SRP68: variants seen among roughly 807,000 people sequenced by gnomAD.
SRP68 encodes signal recognition particle 68.
Under a neutral mutation model 82.2 loss-of-function variants are expected in SRP68, and 15 were observed. The observed-to-expected ratio is 0.18, with a 90% CI of 0.12 to 0.28. The LOEUF is 0.28. Ranked by LOEUF, SRP68 falls within the 10% of genes least tolerant of loss-of-function variation. The pLI is 1.00. For synonymous variants in SRP68, 261 were observed against 292.6 expected (o/e 0.89, Z 1.10); for missense variants, 595 against 780.5 (o/e 0.76, Z 2.83).
At chr17:76,046,461 A>T (rs905979756) in intron 10 of SRP68, among the ~76,000 whole-genome samples, 20 of 98,010 alleles carry the variant, frequency 2.0e-4, no homozygotes, top group African/African-American at 1.1e-3. Flanking sequence ...AGAACCACAC[A>T]GTGGAAAAAA....
intron 10 of SRP68, among the ~76,000 whole-genome samples, chr17:76,046,667 G>A (rs1321040127): frequency 6.6e-6 from 1 of 151,786 alleles, no homozygotes; most frequent in Non-Finnish European, 1.5e-5. Flanking sequence ...GGGGGCCAGG[G>A]GCAGTGGCTC....
chr17:76,040,709 G>T (rs1416347179), intron 14 of SRP68, 194 bp downstream of exon 14: 7 of 657,942 alleles, frequency 1.1e-5, no homozygotes, highest in Non-Finnish European at 1.9e-5. Flanking sequence ...ACAGGGAGAA[G>T]GGCCAGTGTA....
intron 8 of SRP68, among the ~76,000 whole-genome samples, chr17:76,051,036 T>C (rs567999426): frequency 1.2e-4 from 19 of 152,304 alleles, no homozygotes; most frequent in African/African-American, 4.1e-4. Context: ...TTGTTTCTTT[T>C]AGGTACAAGG....
At chr17:76,057,653 C>G in intron 7 of SRP68, 110 bp from the exon 8 acceptor site, 1 of 1,216,906 alleles carries the variant, frequency 8.2e-7, no homozygotes, top group Non-Finnish European at 1.2e-6. Context: ...ATATTATACT[C>G]CATAGAAAGT....
chr17:76,070,239 A>AAAAAAAAAG, intron 2 of SRP68, 139 bp downstream of exon 2: 1 of 703,446 alleles, frequency 1.4e-6, no homozygotes, highest in Non-Finnish European at 2.3e-6. Flanking sequence ...AAAAAAAAAA[A>AAAAAAAAAG]CAAAGCAAAC....
chr17:76,055,707 T>C (rs1047822366), intron 8 of SRP68, among the ~76,000 whole-genome samples: 2 of 150,754 alleles, frequency 1.3e-5, no homozygotes, highest in Non-Finnish European at 2.9e-5. Context: ...TGAGCAGAGA[T>C]TGCACCGCTG....
At chr17:76,041,634 A>G (rs2598446) in intron 13 of SRP68, 62,816 of 152,014 alleles carry the variant, frequency 0.41, 13,177 homozygotes, top group Admixed American at 0.53. Flanking sequence ...ATGATATTCC[A>G]TGGTGGTGAC....
In SRP68 at chr17:76,045,325, A is replaced by T. The variant is rs575649482; in HGVS notation, c.1361T>A (p.Ile454Lys). ...TTTGAACACCAGAGTCTTGAGGCCT[A>T]TCTCTTTCTGGAAGGCTTTGTCTTC... ...LEEDKAFQKE[I>K]GLKTLVFKAY... Residue 454 changes from isoleucine to lysine, a missense_variant, in exon 12 of 16, where the codon ATA (isoleucine) becomes AAA (lysine). Coordinates refer to ENST00000307877, the MANE Select transcript of SRP68 (RefSeq NM_014230.4). The T allele has an allele frequency of 2.5e-6, 4 of 1,613,896 alleles. No individual in the cohort carries two copies. Among genetic ancestry groups the T allele is most frequent in the Non-Finnish European group, 2.5e-6 (3 of 1,179,822 alleles).
rs1411535610 is a variant in SRP68 at position 76,072,458 on chromosome 17, C to CGCCACT, written c.33_34insAGTGGC (p.Gly11_Gly12insSerGly). 3.2e-6 allele frequency: 5 copies of CGCCACT among 1,583,174 alleles called. No individual in the cohort carries two copies. Among genetic ancestry groups the CGCCACT allele is most frequent in the Non-Finnish European group, 4.3e-6 (5 of 1,171,180 alleles). ...CCGCCGCCGCCACTGCCGCCGCCGC[C>CGCCACT]GCCGCCGCCTGGGACCTGCTTCTCA... On this transcript the variant is annotated inframe_insertion, in exon 1 of 16. Coordinates refer to ENST00000307877, the MANE Select transcript of SRP68 (RefSeq NM_014230.4). The surrounding 1 kb of genome is among the most constrained non-coding windows in gnomAD (Gnocchi z 4.5).
Position 76,057,392 on chromosome 17 carries a change from T to C in SRP68, c.978+11A>G. On this transcript the variant is annotated intron_variant, in intron 8 of 15. Coordinates refer to ENST00000307877, the MANE Select transcript of SRP68 (RefSeq NM_014230.4). ...ATACAGAAGACAGCACAGTAAGTTC[T>C]TCCTCCTCACCTGGACAATAGCTGC... The C allele has an allele frequency of 6.2e-7, 1 of 1,614,178 alleles. No homozygotes were observed. The highest frequency in any genetic ancestry group is 8.5e-7 in the Non-Finnish European group (1 of 1,180,020).
rs113842208 is a variant in SRP68 at position 76,046,655 on chromosome 17, C to T, written c.1143-461G>A. Among the ~76,000 whole-genome samples the T allele has an allele frequency of 5.5e-4, 83 of 151,534 alleles. 1 individual carries two copies. The highest frequency in any genetic ancestry group is 1.9e-3 in the African/African-American group (78 of 41,250). On this transcript the variant is annotated intron_variant, in intron 10 of 15. Transcript: ENST00000307877. ...AACAACAACAACAAAACAAAAAAAA[C>T]GGGGGGCCAGGGGCAGTGGCTCCCA...
intron 2 of SRP68, among the ~76,000 whole-genome samples, chr17:76,068,120 C>T (rs2066820970): frequency 6.6e-6 from 1 of 152,124 alleles, no homozygotes; most frequent in African/African-American, 2.4e-5. Flanking sequence ...GCAGAAACCC[C>T]GTCTCTACTA....
At chr17:76,052,468 G>A (rs1449286214) in intron 8 of SRP68, among the ~76,000 whole-genome samples, 1 of 152,090 alleles carries the variant, frequency 6.6e-6, no homozygotes, top group Non-Finnish European at 1.5e-5. Flanking sequence ...GGCAAGGGGA[G>A]GGAAAGTATT....
Position 76,047,890 on chromosome 17 carries a change from T to C in SRP68, c.1142+16A>G. ...TTAATAATATTAAAAAGTAAAAAAA[T>C]TAAAATAACCCTTACCTATGCAAGT... On this transcript the variant is annotated intron_variant, in intron 10 of 15. Transcript: ENST00000307877. 1 of 1,410,500 alleles carries C rather than the reference T, an allele frequency of 7.1e-7. No individual in the cohort carries two copies. The allele number at this position is 1,410,500 out of a possible 1,614,324, so 87.4% of individuals were successfully genotyped here. A position where few individuals can be genotyped will look rare whatever the true frequency, so the allele number is the denominator to read the frequency against.
chr17:76,039,705 G>A lies in SRP68; in HGVS notation c.*1C>T. The A allele has an allele frequency of 6.2e-7, 1 of 1,611,100 alleles. No individual in the cohort carries two copies. The highest frequency in any genetic ancestry group is 8.5e-7 in the Non-Finnish European group (1 of 1,177,316). On this transcript the variant is annotated 3_prime_UTR_variant, in exon 16 of 16. Transcript: ENST00000307877. ...TCCCCCGCCCCCGAGGAAGAGCCTG[G>A]TTAGCTCCTGAATCCAAAGATGCCC...
rs773450709 is a variant in SRP68, at chr17:76,046,009, C to T, written c.1299+29G>A. ...GACACAGGCAAAGGAAAACCACAGG[C>T]CCTTGCCTTCCCGGTCCTCAAGGGT... On this transcript the variant is annotated intron_variant, in intron 11 of 15. Transcript: ENST00000307877. 13 of 1,612,822 alleles carry T rather than the reference C, an allele frequency of 8.1e-6. No homozygotes were observed. The Admixed American group carries it at 1.8e-4, about 23-fold the overall frequency.
At chr17:76,055,177 G>T (rs2144505578) in intron 8 of SRP68, among the ~76,000 whole-genome samples, 1 of 151,872 alleles carries the variant, frequency 6.6e-6, no homozygotes, top group East Asian at 2.0e-4. Flanking sequence ...GGCCAGGCTG[G>T]TCTCATTTCG....
At position 76,062,684 on chromosome 17, in the gene SRP68, A is replaced by AC. The variant is rs2066769891; in HGVS notation, c.562-1111_562-1110insG. On this transcript the variant is annotated intron_variant, in intron 4 of 15. Transcript: ENST00000307877. ...ATATAATATACATTATATAATATAT[A>AC]ATATACATTATATATTGTATATTAT... 7.7e-5 allele frequency among the ~76,000 whole-genome samples: 2 copies of AC among 26,084 alleles called. 1 individual carries two copies. Among genetic ancestry groups the AC allele is most frequent in the African/African-American group, 1.3e-3 (2 of 1,520 alleles). The allele number at this position is 26,084 out of a possible 152,430, so 17.1% of individuals were successfully genotyped here. A position where few individuals can be genotyped will look rare whatever the true frequency, so the allele number is the denominator to read the frequency against.
intron 13 of SRP68, among the ~76,000 whole-genome samples, chr17:76,043,010 G>A (rs1388190124): frequency 6.6e-6 from 1 of 152,162 alleles, no homozygotes; most frequent in Admixed American, 6.5e-5. Context: ...AAGGTTTTGG[G>A]AGGCAGAGGC....
Sources: allele counts gnomAD v4.1 joint callset (sites outside exome capture counted in the v4.1 genomes callset), GRCh38; gene constraint gnomAD v4.1.1; non-coding constraint Gnocchi (gnomAD v3.1); transcripts MANE v1.5; gene names NCBI Gene and HGNC (gene_info 2026-07-23, HGNC 2026-07-21).